The following EXOC4 variants were observed in gnomAD, a reference collection of about 807,000 sequenced individuals.
The protein encoded by EXOC4 is SEC8-like 1.
EXOC4 carries 71 observed loss-of-function variants against 107.2 expected under a neutral mutation model. The observed-to-expected ratio is 0.66, with a 90% CI of 0.55 to 0.81. EXOC4 has a LOEUF of 0.81. EXOC4 is among the 30% of genes least tolerant of loss of function. The probability of loss-of-function intolerance (pLI) is 0.00; values close to 1 mark genes in which losing one functional copy is unlikely to be tolerated. For missense variants in EXOC4, 1,108 were observed against 1,189.6 expected (o/e 0.93, Z 1.01); for synonymous variants, 456 against 441.2 (o/e 1.03, Z -0.42).
intron 7 of EXOC4, among the ~76,000 whole-genome samples, chr7:133,473,249 T>C (rs937121283): frequency 2.0e-5 from 3 of 152,188 alleles, no homozygotes; most frequent in Non-Finnish European, 2.9e-5. Context: ...TTGGGTAGTT[T>C]GGGTGATGTA....
chr7:133,775,422 C>T (rs1371620285), intron 10 of EXOC4, among the ~76,000 whole-genome samples: 2 of 152,142 alleles, frequency 1.3e-5, no homozygotes, highest in Non-Finnish European at 1.5e-5. Flanking sequence ...GGGTGATCTG[C>T]GAACACGTGA....
At chr7:133,969,774 G>A (rs1203399023) in intron 14 of EXOC4, among the ~76,000 whole-genome samples, 3 of 152,178 alleles carry the variant, frequency 2.0e-5, no homozygotes, top group East Asian at 1.9e-4. Flanking sequence ...GGTGTCTGTC[G>A]ACCCCTGCTG....
chr7:133,686,973 C>T (rs1794313486), intron 10 of EXOC4, among the ~76,000 whole-genome samples: 2 of 149,892 alleles, frequency 1.3e-5, no homozygotes, highest in South Asian at 4.2e-4. Context: ...GCCTATCAAT[C>T]AATGAGGGGA....
intron 2 of EXOC4, among the ~76,000 whole-genome samples, chr7:133,279,180 T>C (rs910354509): frequency 6.6e-6 from 1 of 152,232 alleles, no homozygotes; most frequent in Admixed American, 6.5e-5. Flanking sequence ...TAGTATTCCC[T>C]GGTATAGATG....
chr7:133,461,388 G>A (rs75057305), intron 7 of EXOC4, among the ~76,000 whole-genome samples: 1 of 152,278 alleles, frequency 6.6e-6, no homozygotes, highest in African/African-American at 2.4e-5. Flanking sequence ...CAAAGTAAAT[G>A]CTGGTTGAAT....
chr7:133,604,564 T>G (rs1200809532), intron 9 of EXOC4, among the ~76,000 whole-genome samples: 2 of 152,144 alleles, frequency 1.3e-5, no homozygotes, highest in Non-Finnish European at 2.9e-5. Context: ...CATCACTGTA[T>G]GTATGGAACA....
chr7:133,972,451 A>G (rs1269205848), intron 14 of EXOC4, among the ~76,000 whole-genome samples: 2 of 152,216 alleles, frequency 1.3e-5, no homozygotes, highest in Non-Finnish European at 2.9e-5. Flanking sequence ...GACATACTTT[A>G]ACTTTCTGGA....
At chr7:133,887,875 C>T (rs571643649) in intron 11 of EXOC4, among the ~76,000 whole-genome samples, 79 of 152,250 alleles carry the variant, frequency 5.2e-4, no homozygotes, top group African/African-American at 1.8e-3. Context: ...AGCGTAGGGA[C>T]GTGTAGCCAG....
chr7:133,463,818 G>C (rs1046103180), intron 7 of EXOC4, among the ~76,000 whole-genome samples: 28 of 152,058 alleles, frequency 1.8e-4, no homozygotes, highest in African/African-American at 6.8e-4. Flanking sequence ...GGAGAAGAAT[G>C]ATAACTTTGA....
chr7:134,004,874 T>G (rs746828341), intron 15 of EXOC4, 38 bp from the exon 16 acceptor site: 8 of 1,560,162 alleles, frequency 5.1e-6, no homozygotes, highest in Non-Finnish European at 7.0e-6. Flanking sequence ...CTGGAAGGAT[T>G]TATTATTAAC....
chr7:133,935,324 A>G (rs1029489391), intron 13 of EXOC4, among the ~76,000 whole-genome samples: 1 of 152,014 alleles, frequency 6.6e-6, no homozygotes, highest in Non-Finnish European at 1.5e-5. Flanking sequence ...TTTACATCTC[A>G]CTGGCCACCA....
chr7:133,736,884 A>G (rs1221469898), intron 10 of EXOC4, among the ~76,000 whole-genome samples: 1 of 152,186 alleles, frequency 6.6e-6, no homozygotes, highest in Non-Finnish European at 1.5e-5. Flanking sequence ...ACACCTTTTT[A>G]CATATATCAT....
rs921181974 is a variant in EXOC4 at position 133,572,114 on chromosome 7, A to G, written c.1418-57931A>G. Among the ~76,000 whole-genome samples, 6 of 152,210 alleles carry G rather than the reference A, an allele frequency of 3.9e-5. No homozygotes were observed. In the South Asian group the frequency reaches 6.2e-4, roughly 16 times the overall value. On this transcript the variant is annotated intron_variant, in intron 9 of 17. Coordinates refer to ENST00000253861, the MANE Select transcript of EXOC4 (RefSeq NM_021807.4). ...TGTATACAAAATATACAATGACTGT[A>G]ATGAAAGTGTGGTAGTGTTTGTGAA... is the stretch of plus-strand genomic sequence containing the variant.
intron 10 of EXOC4, among the ~76,000 whole-genome samples, chr7:133,709,088 T>C (rs369496359): frequency 6.6e-6 from 1 of 152,232 alleles, no homozygotes; most frequent in Non-Finnish European, 1.5e-5. Flanking sequence ...AAATGGCTAC[T>C]TCTCGTCAGT....
At chr7:134,041,746 T>A (rs1215235873) in intron 17 of EXOC4, among the ~76,000 whole-genome samples, 4 of 152,206 alleles carry the variant, frequency 2.6e-5, no homozygotes, top group African/African-American at 9.7e-5. Flanking sequence ...ATATTCTTCC[T>A]TCAGTTCATT....
chr7:133,572,005 G>T (rs1342224263), intron 9 of EXOC4, among the ~76,000 whole-genome samples: 2 of 152,200 alleles, frequency 1.3e-5, no homozygotes, highest in African/African-American at 2.4e-5. Context: ...ATAGCAGAAG[G>T]TTAATGAAAA....
intron 10 of EXOC4, among the ~76,000 whole-genome samples, chr7:133,805,707 A>G (rs867462704): frequency 1.5e-4 from 23 of 152,362 alleles, no homozygotes; most frequent in African/African-American, 4.8e-4. Flanking sequence ...TAAACGAACC[A>G]GCTTGTACAG....
intron 10 of EXOC4, among the ~76,000 whole-genome samples, chr7:133,716,002 C>T (rs2151101269): frequency 1.3e-5 from 2 of 152,286 alleles, no homozygotes; most frequent in Middle Eastern, 6.8e-3. Context: ...AAGCAGTTAA[C>T]TCTGCTGGAG....
At chr7:133,279,984 G>A (rs755955918) in intron 2 of EXOC4, among the ~76,000 whole-genome samples, 5 of 151,986 alleles carry the variant, frequency 3.3e-5, no homozygotes, top group African/African-American at 4.8e-5. Flanking sequence ...TAGAGATAGG[G>A]TTTCACTCTG....
Sources: gnomAD v4.1 joint callset for allele counts (sites outside exome capture counted in the v4.1 genomes callset) on GRCh38, gnomAD v4.1.1 for gene constraint, MANE v1.5 for transcripts, NCBI Gene and HGNC (gene_info 2026-07-23, HGNC 2026-07-21) for gene names.